CADM3: variants seen among roughly 807,000 people sequenced by gnomAD.
The protein encoded by CADM3 is cell adhesion molecule 3.
CADM3 carries 11 observed loss-of-function variants against 44.9 expected under a neutral mutation model. That is an observed-to-expected ratio of 0.25 (90% CI 0.15 to 0.41). The LOEUF is 0.41. CADM3 is among the 10% of genes least tolerant of loss of function. The pLI, the probability that CADM3 is intolerant of heterozygous loss-of-function variation, is 1.00. For synonymous variants in CADM3, 207 were observed against 205.2 expected, an observed-to-expected ratio of 1.01 and a Z score of -0.08; for missense variants, 426 against 512.0, an observed-to-expected ratio of 0.83 and a Z score of 1.62.
chr1:159,186,797 G>A (rs140678790), intron 1 of CADM3, among the ~76,000 whole-genome samples: 2 of 152,202 alleles, frequency 1.3e-5, no homozygotes, highest in East Asian at 3.9e-4. Flanking sequence ...CTTAGAGGGA[G>A]AAATGTCACC....
intron 1 of CADM3, among the ~76,000 whole-genome samples, chr1:159,181,166 T>C (rs548498587): frequency 3.9e-5 from 6 of 152,328 alleles, no homozygotes; most frequent in Admixed American, 2.6e-4. Flanking sequence ...CTTTCTCAAG[T>C]ACTTTCCTAA....
chr1:159,198,403 CA>C, intron 7 of CADM3, among the ~76,000 whole-genome samples: 1 of 152,188 alleles, frequency 6.6e-6, no homozygotes, highest in East Asian at 1.9e-4. Context: ...GAGAGAGAGA[CA>C]GCAGGTAACT....
chr1:159,188,260 T>C (rs1649497971), intron 1 of CADM3, among the ~76,000 whole-genome samples: 2 of 148,378 alleles, frequency 1.3e-5, no homozygotes, highest in East Asian at 4.1e-4. Context: ...TCCCATTCTC[T>C]CCCTTCCCTC....
At chr1:159,188,668 A>T (rs934051141) in intron 1 of CADM3, among the ~76,000 whole-genome samples, 9 of 151,952 alleles carry the variant, frequency 5.9e-5, no homozygotes, top group African/African-American at 2.2e-4. Flanking sequence ...GCGGCGGGAG[A>T]CCCTGAAAAG....
At chr1:159,194,158 T>G in intron 5 of CADM3, 118 bp downstream of exon 5, 1 of 1,117,516 alleles carries the variant, frequency 8.9e-7, no homozygotes, top group South Asian at 1.6e-5. Flanking sequence ...AGGTAAAAAA[T>G]GAAACAAAGA....
At chr1:159,188,330 G>C (rs1436136317) in intron 1 of CADM3, among the ~76,000 whole-genome samples, 1 of 118,404 alleles carries the variant, frequency 8.4e-6, no homozygotes, top group Non-Finnish European at 1.7e-5. Context: ...CTCTCCTCTC[G>C]CCCCTCGCCT....
chr1:159,181,306 A>C (rs1445186111), intron 1 of CADM3, among the ~76,000 whole-genome samples: 4 of 152,172 alleles, frequency 2.6e-5, no homozygotes. Context: ...TGGCCTCCTG[A>C]CTGTATTGCA....
chr1:159,203,091 C>A lies in CADM3; in HGVS notation c.*2169C>A, dbSNP rs1401386796. The A allele has an allele frequency of 6.6e-6, 1 of 152,152 alleles. No homozygotes were observed. Among genetic ancestry groups the A allele is most frequent in the Non-Finnish European group, 1.5e-5 (1 of 68,116 alleles). 9.4% of individuals were successfully genotyped at this position (152,152 alleles called of 1,614,324 possible). ...GTATCTTTATAATCTTTCTAACTCT[C>A]CTGTGCTAATCTCAGAGGGGTCACC... On this transcript the variant is annotated 3_prime_UTR_variant, in exon 9 of 9. Transcript: ENST00000368125.
chr1:159,197,256 A>C (rs372952609), intron 7 of CADM3, 196 bp downstream of exon 7: 2 of 553,828 alleles, frequency 3.6e-6, no homozygotes. Flanking sequence ...TTAGTGAAAA[A>C]ACATTAGAAG....
intron 6 of CADM3, 69 bp from the exon 7 acceptor site, chr1:159,196,822 A>ATTT: frequency 1.8e-6 from 2 of 1,138,464 alleles, no homozygotes; most frequent in Non-Finnish European, 2.4e-6. Context: ...GCTCCCAGTT[A>ATTT]TTTTTTTTTT....
chr1:159,186,181 G>T (rs1423087570), intron 1 of CADM3, among the ~76,000 whole-genome samples: 1 of 152,160 alleles, frequency 6.6e-6, no homozygotes. Flanking sequence ...ATTCCAAAAG[G>T]CTTCACATGC....
chr1:159,179,012 G>C (rs1273255558), intron 1 of CADM3, among the ~76,000 whole-genome samples: 7 of 152,126 alleles, frequency 4.6e-5, no homozygotes, highest in Non-Finnish European at 7.4e-5. Flanking sequence ...ATTCCTCAAG[G>C]ACAGGTAATG....
intron 1 of CADM3, among the ~76,000 whole-genome samples, chr1:159,178,306 G>A (rs1244066758): frequency 6.6e-6 from 1 of 152,160 alleles, no homozygotes; most frequent in Non-Finnish European, 1.5e-5. Context: ...TTATAAACAT[G>A]TACCTCTTAA....
intron 1 of CADM3, among the ~76,000 whole-genome samples, chr1:159,187,209 A>C (rs1024071540): frequency 6.6e-6 from 1 of 152,256 alleles, no homozygotes; most frequent in African/African-American, 2.4e-5. Context: ...CACAGTGCCA[A>C]GTGTGGCTGA....
chr1:159,189,968 C>A, intron 1 of CADM3: 1 of 802,260 alleles, frequency 1.2e-6, no homozygotes, highest in Non-Finnish European at 2.1e-6. Flanking sequence ...CATGTTCTCA[C>A]TCCTCTCATT....
intron 3 of CADM3, among the ~76,000 whole-genome samples, 195 bp from the exon 4 acceptor site, chr1:159,193,228 A>T (rs1259844159): frequency 6.6e-6 from 1 of 152,220 alleles, no homozygotes; most frequent in Non-Finnish European, 1.5e-5. Context: ...CCTCACTGCC[A>T]TGCTGTCTCC....
rs767354987 is a variant in CADM3 at position 159,199,806 on chromosome 1, C to T, written c.1008C>T (p.Ile336=). The T allele has an allele frequency of 5.6e-5, 91 of 1,614,078 alleles. No individual in the cohort carries two copies. Among genetic ancestry groups the T allele is most frequent in the Middle Eastern group, 3.3e-4 (2 of 6,058 alleles). Residue 336 remains isoleucine, a synonymous_variant, in exon 8 of 9, where the codon ATC becomes ATT. Transcript: ENST00000368125. ...SSTYHAIIGG[I]VAFIVFLLLI... ...CCTACCACGCCATCATCGGTGGGAT[C>T]GTGGCTTTCATTGTCTTCCTGCTGC... is the stretch of plus-strand genomic sequence containing the variant.
chr1:159,195,524 G>T (rs1028427043), intron 5 of CADM3: 3 of 152,202 alleles, frequency 2.0e-5, no homozygotes, highest in African/African-American at 2.4e-5. Context: ...ACTGTGATCA[G>T]CAGTCAGTCA....
intron 1 of CADM3, among the ~76,000 whole-genome samples, chr1:159,179,544 T>A (rs1649148969): frequency 2.6e-5 from 4 of 152,236 alleles, no homozygotes; most frequent in Admixed American, 2.6e-4. Flanking sequence ...CCTTTCTTCA[T>A]ATACTCCCAA....
Sources: gnomAD v4.1 joint callset for allele counts (sites outside exome capture counted in the v4.1 genomes callset) on GRCh38, gnomAD v4.1.1 for gene constraint, MANE v1.5 for transcripts, NCBI Gene and HGNC (gene_info 2026-07-23, HGNC 2026-07-21) for gene names.